Variants in MKLN1 observed in about 807,000 individuals in gnomAD.
The protein encoded by MKLN1 is muskelin 1, also known as muskelin.
Under a neutral mutation model 99.0 loss-of-function variants are expected in MKLN1, and 18 were observed. The ratio of observed to expected loss-of-function variants is 0.18; its 90% CI spans 0.13 to 0.27. MKLN1 has a LOEUF of 0.27. MKLN1 is among the 10% of genes least tolerant of loss of function. The pLI is 1.00. For missense variants in MKLN1, 621 were observed against 875.9 expected, an observed-to-expected ratio of 0.71 and a Z score of 3.67; for synonymous variants, 288 against 293.2, an observed-to-expected ratio of 0.98 and a Z score of 0.18.
At position 131,443,672 on chromosome 7, in the gene MKLN1, T is replaced by A; in HGVS notation, c.1365T>A (p.Ser455=). 6.2e-7 allele frequency: 1 copy of A among 1,613,676 alleles called. No individual in the cohort carries two copies. Among genetic ancestry groups the A allele is most frequent in the Non-Finnish European group, 8.5e-7 (1 of 1,179,574 alleles). The change falls in exon 11 of 18, where the codon TCT becomes TCA. Residue 455 remains serine (S), a synonymous_variant. Transcript: ENST00000352689. ...SCNAGPEDIQ[S]RIGHCMLFHS... ...ATGCTGGGCCTGAGGACATCCAGTC[T>A]CGAATAGGACACTGCATGTTATTCC...
At chr7:131,251,399 A>T (rs1317402742) in intron 3 of MKLN1, among the ~76,000 whole-genome samples, 1 of 152,142 alleles carries the variant, frequency 6.6e-6, no homozygotes, top group African/African-American at 2.4e-5. Flanking sequence ...CAATTCACAC[A>T]TAGGGGTTTT....
intron 3 of MKLN1, among the ~76,000 whole-genome samples, chr7:131,263,860 A>G (rs1357970817): frequency 1.3e-5 from 2 of 152,098 alleles, no homozygotes; most frequent in Non-Finnish European, 2.9e-5. Context: ...GTGAGCCACC[A>G]CGCCCAGCCT....
rs558929264 is a variant in MKLN1, at chr7:131,495,685, A to G, written c.*7957A>G. The G allele has an allele frequency of 2.6e-5, 4 of 152,268 alleles. No homozygotes were observed. Among genetic ancestry groups the G allele is most frequent in the African/African-American group, 9.6e-5 (4 of 41,554 alleles). 9.4% of individuals were successfully genotyped at this position (152,268 alleles called of 1,614,324 possible). A position where few individuals can be genotyped will look rare whatever the true frequency, so the allele number is the denominator to read the frequency against. On this transcript the variant is annotated 3_prime_UTR_variant, in exon 18 of 18. Coordinates refer to ENST00000352689, the MANE Select transcript of MKLN1 (RefSeq NM_013255.5). The stretch of plus-strand genomic sequence containing the variant: ...AGCATATGTCCCCCCACCCTTATTT[A>G]TATTCCTTTGAGCATTGCCGTTTTC...
upstream of MKLN1, among the ~76,000 whole-genome samples, chr7:131,325,094 G>C (rs1392466726): frequency 1.3e-5 from 2 of 151,662 alleles, no homozygotes; most frequent in African/African-American, 4.9e-5. Flanking sequence ...TTCTCTTTTA[G>C]CATTATTCAT....
intron 1 of MKLN1, among the ~76,000 whole-genome samples, chr7:131,331,851 G>A (rs1799086051): frequency 6.6e-6 from 1 of 152,078 alleles, no homozygotes; most frequent in African/African-American, 2.4e-5. Context: ...AACTTTGAAA[G>A]TATTTTTTAC....
At chr7:131,396,768 T>A (rs1311525401) in intron 4 of MKLN1, among the ~76,000 whole-genome samples, 1 of 152,216 alleles carries the variant, frequency 6.6e-6, no homozygotes, top group African/African-American at 2.4e-5. Flanking sequence ...ATCTGTTTGG[T>A]TACAATGAAA....
chr7:131,440,188 T>C (rs373582101), intron 10 of MKLN1, among the ~76,000 whole-genome samples: 18 of 152,174 alleles, frequency 1.2e-4, no homozygotes, highest in African/African-American at 3.9e-4. Flanking sequence ...AGAGGTGATA[T>C]GTGTCAGAAA....
chr7:131,397,113 G>A (rs1315571098), intron 4 of MKLN1, among the ~76,000 whole-genome samples, 154 bp from the exon 5 acceptor site: 1 of 152,208 alleles, frequency 6.6e-6, no homozygotes, highest in Non-Finnish European at 1.5e-5. Flanking sequence ...TCGTTTTACT[G>A]TTGTAGCCTT....
chr7:131,115,816 T>C (rs1299905053), intron 1 of MKLN1, among the ~76,000 whole-genome samples: 5 of 152,220 alleles, frequency 3.3e-5, no homozygotes, highest in African/African-American at 9.6e-5. Context: ...TTTGCTTATA[T>C]GTCACCTCCT....
chr7:131,448,663 T>G (rs1025886760), intron 12 of MKLN1, among the ~76,000 whole-genome samples: 2 of 152,244 alleles, frequency 1.3e-5, no homozygotes, highest in Non-Finnish European at 2.9e-5. Context: ...TGTGGTTTTA[T>G]TAATGTGAAC....
intron 3 of MKLN1, among the ~76,000 whole-genome samples, chr7:131,286,845 C>T (rs13229358): frequency 8.5e-5 from 13 of 152,152 alleles, no homozygotes; most frequent in African/African-American, 2.9e-4. Flanking sequence ...GTGGCTCACA[C>T]CTGTAATCCC....
intron 2 of MKLN1, among the ~76,000 whole-genome samples, chr7:131,192,236 T>A (rs1225584526): frequency 1.1e-5 from 1 of 87,148 alleles, no homozygotes; most frequent in African/African-American, 5.2e-5. Flanking sequence ...ATACAATATA[T>A]AAATATATAA....
chr7:131,116,057 G>A (rs566662894), intron 1 of MKLN1, among the ~76,000 whole-genome samples: 1 of 152,260 alleles, frequency 6.6e-6, no homozygotes, highest in East Asian at 1.9e-4. Context: ...TGTAATCCCA[G>A]CACTTTGGGA....
At chr7:131,397,706 C>T (rs1229292656) in intron 5 of MKLN1, among the ~76,000 whole-genome samples, 1 of 152,154 alleles carries the variant, frequency 6.6e-6, no homozygotes, top group African/African-American at 2.4e-5. Flanking sequence ...GCTCCACAGT[C>T]TGCTTTTATG....
At chr7:131,157,963 T>C (rs1034452675) in intron 2 of MKLN1, among the ~76,000 whole-genome samples, 12 of 152,310 alleles carry the variant, frequency 7.9e-5, no homozygotes, top group African/African-American at 2.6e-4. Flanking sequence ...ACAGACCTTC[T>C]GTCCCTGCCC....
At chr7:131,388,488 T>C (rs531869551) in intron 3 of MKLN1, among the ~76,000 whole-genome samples, 8 of 152,360 alleles carry the variant, frequency 5.3e-5, no homozygotes, top group African/African-American at 1.9e-4. Context: ...CTAAATTCTT[T>C]GGCGTATTCT....
intron 12 of MKLN1, among the ~76,000 whole-genome samples, chr7:131,453,269 G>A (rs1164172582): frequency 1.3e-5 from 2 of 152,174 alleles, no homozygotes; most frequent in Non-Finnish European, 2.9e-5. Flanking sequence ...TAATGAAGTA[G>A]TACTGGCACT....
chr7:131,207,967 A>G (rs752641725), intron 3 of MKLN1, among the ~76,000 whole-genome samples: 1 of 152,214 alleles, frequency 6.6e-6, no homozygotes, highest in Non-Finnish European at 1.5e-5. Flanking sequence ...TTCCCAGAAT[A>G]TTTAGGTTTC....
chr7:131,256,207 G>A (rs770494398), intron 3 of MKLN1, among the ~76,000 whole-genome samples: 2 of 152,098 alleles, frequency 1.3e-5, no homozygotes, highest in East Asian at 1.9e-4. Context: ...TTCCCAGCCT[G>A]TCTACTAGTT....
Sources: allele counts gnomAD v4.1 joint callset (sites outside exome capture counted in the v4.1 genomes callset), GRCh38; gene constraint gnomAD v4.1.1; transcripts MANE v1.5; gene names NCBI Gene and HGNC (gene_info 2026-07-23, HGNC 2026-07-21).